The following WDR7 variants were observed in gnomAD, a reference collection of about 807,000 sequenced individuals.
The protein encoded by WDR7 is WD repeat domain 7.
Under a neutral mutation model 169.4 loss-of-function variants are expected in WDR7, and 46 were observed. The ratio of observed to expected loss-of-function variants is 0.27; its 90% CI spans 0.21 to 0.35. WDR7 has a LOEUF of 0.35. Among genes scored for constraint, WDR7 ranks in the 10% least tolerant of loss-of-function variants. The pLI, the probability that WDR7 is intolerant of heterozygous loss-of-function variation, is 1.00. For missense variants in WDR7, 1,534 were observed against 1,859.3 expected (o/e 0.83, Z 3.22); for synonymous variants, 612 against 666.8 (o/e 0.92, Z 1.27).
At chr18:56,773,346 T>G (rs898803205) in intron 16 of WDR7, among the ~76,000 whole-genome samples, 2 of 152,020 alleles carry the variant, frequency 1.3e-5, no homozygotes, top group Non-Finnish European at 2.9e-5. Context: ...AAGAGAAGTT[T>G]TTTTTTTTAT....
At chr18:56,686,691 G>T (rs1345148503) in intron 6 of WDR7, among the ~76,000 whole-genome samples, 164 bp from the exon 7 acceptor site, 2 of 152,038 alleles carry the variant, frequency 1.3e-5, no homozygotes, top group Non-Finnish European at 2.9e-5. Flanking sequence ...CTGCTTTTAG[G>T]GTATATCTTT....
In WDR7 at chr18:56,693,177, T is replaced by C. The variant is rs148358725; in HGVS notation, c.966+1360T>C. ...AATTACTGTATTTGATTAACCAGTA[T>C]TTGAATACAGTAATTAGACTATTAA... On this transcript the variant is annotated intron_variant, in intron 9 of 27. Transcript: ENST00000254442. Among the ~76,000 whole-genome samples the C allele has an allele frequency of 3.7e-3, 559 of 152,390 alleles. 3 individuals are homozygous for C. The highest frequency in any genetic ancestry group is 0.017 in the Middle Eastern group (5 of 294).
intron 27 of WDR7, among the ~76,000 whole-genome samples, chr18:57,026,126 T>G (rs1306752039): frequency 2.0e-5 from 3 of 152,256 alleles, no homozygotes; most frequent in Admixed American, 1.3e-4. Context: ...AAAGAAATCT[T>G]CAGACTCAGT....
intron 13 of WDR7, among the ~76,000 whole-genome samples, chr18:56,723,226 C>G (rs1325393105): frequency 6.7e-6 from 1 of 149,788 alleles, no homozygotes. Context: ...TTGTTTAAAA[C>G]AAACAAAAGT....
At chr18:56,776,189 A>T (rs566839632) in intron 16 of WDR7, among the ~76,000 whole-genome samples, 27 of 152,238 alleles carry the variant, frequency 1.8e-4, no homozygotes, top group Non-Finnish European at 3.4e-4. Flanking sequence ...TAATTAAAAA[A>T]AAAAAACTCC....
intron 26 of WDR7, among the ~76,000 whole-genome samples, chr18:56,981,018 A>G (rs2047637165): frequency 6.6e-6 from 1 of 152,242 alleles, no homozygotes; most frequent in African/African-American, 2.4e-5. Flanking sequence ...GGATTCAGCA[A>G]GACAAAAGTA....
chr18:56,823,543 A>G (rs4800952), intron 20 of WDR7, among the ~76,000 whole-genome samples: 134,598 of 152,130 alleles, frequency 0.88, 59,757 homozygotes, highest in East Asian at 0.98. Flanking sequence ...CTGAGATCAC[A>G]TCCCTGCGCT....
chr18:56,844,841 C>T (rs904257493), intron 20 of WDR7, among the ~76,000 whole-genome samples: 2 of 152,096 alleles, frequency 1.3e-5, no homozygotes, highest in Non-Finnish European at 2.9e-5. Flanking sequence ...AGTAGTTCCT[C>T]CTTATCTGCA....
intron 21 of WDR7, among the ~76,000 whole-genome samples, chr18:56,911,963 T>A (rs150585835): frequency 1.3e-5 from 2 of 152,330 alleles, no homozygotes; most frequent in African/African-American, 2.4e-5. Flanking sequence ...TTAGCGCGAA[T>A]GGATAAAAAA....
intron 19 of WDR7, among the ~76,000 whole-genome samples, chr18:56,798,443 C>G (rs1188354725): frequency 6.6e-6 from 1 of 152,186 alleles, no homozygotes; most frequent in Non-Finnish European, 1.5e-5. Context: ...GTTGTCACCA[C>G]TAGGACAGAG....
At chr18:57,002,206 G>A (rs920088931) in intron 26 of WDR7, among the ~76,000 whole-genome samples, 1 of 152,062 alleles carries the variant, frequency 6.6e-6, no homozygotes, top group Non-Finnish European at 1.5e-5. Flanking sequence ...GAGTTGTCTC[G>A]AACCCAGACT....
chr18:56,900,855 TTTC>T (rs2046392368), intron 21 of WDR7, among the ~76,000 whole-genome samples: 1 of 152,122 alleles, frequency 6.6e-6, no homozygotes, highest in Non-Finnish European at 1.5e-5. Context: ...GGGAAGTGTT[TTTC>T]CCCTTGCCGG....
intron 20 of WDR7, among the ~76,000 whole-genome samples, chr18:56,832,767 A>C (rs2045334914): frequency 6.6e-6 from 1 of 152,200 alleles, no homozygotes; most frequent in African/African-American, 2.4e-5. Context: ...AAGGAAAACT[A>C]ACAAACAGAA....
chr18:56,694,128 G>T (rs139380237), intron 9 of WDR7, among the ~76,000 whole-genome samples: 414 of 151,944 alleles, frequency 2.7e-3, no homozygotes, highest in Admixed American at 4.5e-3. Flanking sequence ...CCGTGTCATT[G>T]TTGGGATTAC....
At chr18:56,823,522 G>T (rs2045139356) in intron 20 of WDR7, among the ~76,000 whole-genome samples, 1 of 152,124 alleles carries the variant, frequency 6.6e-6, no homozygotes, top group Non-Finnish European at 1.5e-5. Flanking sequence ...GGAGGCGGAG[G>T]TTGCAGTGAG....
chr18:56,666,123 G>A (rs2025015376), intron 1 of WDR7, among the ~76,000 whole-genome samples: 1 of 151,096 alleles, frequency 6.6e-6, no homozygotes, highest in Non-Finnish European at 1.5e-5. Context: ...CACCAGTTGG[G>A]TCCTTCCTTC....
At chr18:56,767,281 G>C (rs1308403154) in intron 16 of WDR7, among the ~76,000 whole-genome samples, 1 of 152,182 alleles carries the variant, frequency 6.6e-6, no homozygotes, top group Non-Finnish European at 1.5e-5. Context: ...GTATTCTGCT[G>C]TATACTTGAG....
intron 13 of WDR7, among the ~76,000 whole-genome samples, chr18:56,724,321 C>G (rs2026392059): frequency 6.7e-6 from 1 of 149,614 alleles, no homozygotes; most frequent in African/African-American, 2.5e-5. Flanking sequence ...AAGTGATTAT[C>G]CTGCCTCAGG....
At chr18:56,784,917 G>T (rs539503474) in intron 19 of WDR7, among the ~76,000 whole-genome samples, 10 of 144,050 alleles carry the variant, frequency 6.9e-5, no homozygotes, top group South Asian at 4.4e-4. Context: ...TATTGTTGTT[G>T]TTTTTTTTTT....
Sources: gnomAD v4.1 joint callset for allele counts (sites outside exome capture counted in the v4.1 genomes callset) on GRCh38, gnomAD v4.1.1 for gene constraint, MANE v1.5 for transcripts, NCBI Gene and HGNC (gene_info 2026-07-23, HGNC 2026-07-21) for gene names.